ELP4: variants seen among roughly 807,000 people sequenced by gnomAD.
ELP4 encodes elongator complex protein 4.
Under a neutral mutation model 48.9 loss-of-function variants are expected in ELP4, and 51 were observed. The ratio of observed to expected loss-of-function variants is 1.04; its 90% CI spans 0.83 to 1.32. The LOEUF (loss-of-function observed/expected upper bound fraction) is 1.32, where lower values mean the gene tolerates loss of function less well. ELP4 is among the 40% of genes most tolerant of loss of function. The pLI is 0.00. For missense variants in ELP4, 519 were observed against 514.6 expected (o/e 1.01, Z -0.08); for synonymous variants, 210 against 189.2 (o/e 1.11, Z -0.90).
intron 3 of ELP4, among the ~76,000 whole-genome samples, chr11:31,548,282 CAA>C (rs1956772746): frequency 6.6e-6 from 1 of 152,174 alleles, no homozygotes; most frequent in Non-Finnish European, 1.5e-5. Flanking sequence ...GCAACTTCAG[CAA>C]AGTCTCAGGA....
chr11:31,542,261 C>T (rs1182419274), intron 3 of ELP4, among the ~76,000 whole-genome samples: 1 of 152,102 alleles, frequency 6.6e-6, no homozygotes, highest in Admixed American at 6.5e-5. Context: ...GATAAGGTGA[C>T]CTTCAGGAGA....
chr11:31,554,521 A>G (rs975637151), intron 3 of ELP4, among the ~76,000 whole-genome samples: 3 of 152,058 alleles, frequency 2.0e-5, no homozygotes, highest in Non-Finnish European at 4.4e-5. Context: ...TTGTGAAACA[A>G]TTACCACAAT....
At chr11:31,748,623 CT>C (rs1327124931) in intron 9 of ELP4, among the ~76,000 whole-genome samples, 1 of 152,138 alleles carries the variant, frequency 6.6e-6, no homozygotes, top group Non-Finnish European at 1.5e-5. Context: ...TTATTGGTGT[CT>C]TTTTCCCCCA....
intron 6 of ELP4, among the ~76,000 whole-genome samples, chr11:31,630,314 A>G (rs1469938739): frequency 6.7e-6 from 1 of 149,604 alleles, no homozygotes. Flanking sequence ...ATAGAGCAAC[A>G]ATGTTATCTT....
In ELP4 at chr11:31,728,756, T is replaced by A. The variant is rs188021225; in HGVS notation, c.1144-54637T>A. The stretch of plus-strand genomic sequence containing the variant: ...ACAAACAAGATATTTGTTATATAAA[T>A]AGGATAGCTAATGCATTTCAGGAAA... On this transcript the variant is annotated intron_variant, in intron 9 of 9. Transcript: ENST00000640961. Among the ~76,000 whole-genome samples, 21 of 152,326 alleles carry A rather than the reference T, an allele frequency of 1.4e-4. No homozygotes were observed. The Middle Eastern group carries it at 0.01, about 74-fold the overall frequency.
intron 7 of ELP4, among the ~76,000 whole-genome samples, chr11:31,634,618 A>G (rs1267314759): frequency 1.3e-5 from 2 of 148,996 alleles, no homozygotes; most frequent in African/African-American, 2.5e-5. Context: ...ATGACCTCCA[A>G]TCAGCCTATC....
intron 4 of ELP4, among the ~76,000 whole-genome samples, chr11:31,603,343 C>G (rs1957815472): frequency 6.6e-6 from 1 of 151,676 alleles, no homozygotes. Context: ...TTCTTTTGGA[C>G]CTCTTACCAG....
intron 3 of ELP4, among the ~76,000 whole-genome samples, chr11:31,548,572 A>G (rs1237967076): frequency 1.3e-5 from 2 of 152,368 alleles, no homozygotes; most frequent in Middle Eastern, 3.4e-3. Flanking sequence ...AAGGTAATTT[A>G]TAGATTCAGT....
intron 3 of ELP4, among the ~76,000 whole-genome samples, chr11:31,549,126 A>C (rs1303186808): frequency 6.6e-6 from 1 of 151,900 alleles, no homozygotes; most frequent in Non-Finnish European, 1.5e-5. Context: ...AAAAGCCAAA[A>C]TTGACAAATG....
Position 31,581,462 on chromosome 11 carries a change from C to T in ELP4, c.382-13308C>T, listed in dbSNP as rs545100116. The stretch of plus-strand genomic sequence containing the variant: ...TTTAACATTAGTGTTGCTGAACATA[C>T]AATTCTAGATTAAAAATAACTTTGT... On this transcript the variant is annotated intron_variant, in intron 3 of 9. Coordinates refer to ENST00000640961, the MANE Select transcript of ELP4 (RefSeq NM_019040.5). Among the ~76,000 whole-genome samples the T allele has an allele frequency of 5.3e-5, 8 of 150,372 alleles. No homozygotes were observed. The South Asian group carries it at 1.7e-3, about 32-fold the overall frequency.
chr11:31,652,252 A>G (rs1431480471), intron 9 of ELP4: 5 of 151,732 alleles, frequency 3.3e-5, no homozygotes. Flanking sequence ...AAATATACAC[A>G]TTCTAAATAA....
intron 9 of ELP4, among the ~76,000 whole-genome samples, chr11:31,765,567 C>G (rs1375163216): frequency 1.3e-5 from 2 of 152,130 alleles, no homozygotes; most frequent in East Asian, 3.9e-4. Flanking sequence ...TTATAAGTAG[C>G]ATCTTTATCA....
chr11:31,713,793 T>G (rs1283524085), intron 9 of ELP4, among the ~76,000 whole-genome samples: 4 of 152,076 alleles, frequency 2.6e-5, no homozygotes. Context: ...TACACAAAAG[T>G]AGAGAATAAT....
At chr11:31,592,964 TTTA>T (rs1160124876) in intron 3 of ELP4, among the ~76,000 whole-genome samples, 1 of 152,136 alleles carries the variant, frequency 6.6e-6, no homozygotes, top group African/African-American at 2.4e-5. Flanking sequence ...TTCAAATGTT[TTTA>T]TTATTAAGTT....
intron 3 of ELP4, among the ~76,000 whole-genome samples, chr11:31,583,991 A>T (rs1039189515): frequency 6.6e-6 from 1 of 152,160 alleles, no homozygotes; most frequent in African/African-American, 2.4e-5. Flanking sequence ...TGAACAGCAT[A>T]CTTCCAGACC....
At position 31,786,724 on chromosome 11, in the gene ELP4, C is replaced by T. The variant is rs1948660278; in HGVS notation, c.*3200C>T. ...ATGGCAGTGAGCTGTAGCAAGAAAC[C>T]AGTTGTTCACCATTTAAGGGTTAGG... On this transcript the variant is annotated 3_prime_UTR_variant, in exon 10 of 10. Transcript: ENST00000640961. The T allele has an allele frequency of 8.9e-6, 2 of 225,534 alleles. No homozygotes were observed. The highest frequency in any genetic ancestry group is 1.8e-5 in the Non-Finnish European group (2 of 113,314). 14.0% of individuals were successfully genotyped at this position (225,534 alleles called of 1,614,324 possible).
intron 3 of ELP4, among the ~76,000 whole-genome samples, chr11:31,543,849 A>G (rs1466867386): frequency 6.6e-6 from 1 of 152,234 alleles, no homozygotes; most frequent in African/African-American, 2.4e-5. Context: ...TTTCATAAAC[A>G]AAGATTTTAC....
At chr11:31,510,610 C>G (rs1474495437) in intron 1 of ELP4, 4 of 384,058 alleles carry the variant, frequency 1.0e-5, no homozygotes, top group African/African-American at 2.1e-5. Flanking sequence ...TGCGTTAAAT[C>G]TGTGTATATA....
chr11:31,616,342 A>G (rs2134020230), intron 5 of ELP4, among the ~76,000 whole-genome samples: 1 of 152,228 alleles, frequency 6.6e-6, no homozygotes, highest in East Asian at 1.9e-4. Context: ...ACTGTTTAAC[A>G]AATGGGAAGA....
Sources: allele counts gnomAD v4.1 joint callset (sites outside exome capture counted in the v4.1 genomes callset), GRCh38; gene constraint gnomAD v4.1.1; transcripts MANE v1.5; gene names NCBI Gene and HGNC (gene_info 2026-07-23, HGNC 2026-07-21).